CEP250: variants seen among roughly 807,000 people sequenced by gnomAD.
The protein encoded by CEP250 is centrosome-associated protein CEP250.
In CEP250, 242 loss-of-function variants were observed where a neutral mutation model predicts 315.7. The observed-to-expected ratio is 0.77, with a 90% CI of 0.69 to 0.85. The LOEUF (loss-of-function observed/expected upper bound fraction) is 0.85, where lower values mean the gene tolerates loss of function less well. Ranked by LOEUF, CEP250 falls within the 40% of genes least tolerant of loss-of-function variation. The pLI is 0.00. For missense variants in CEP250, 2,515 were observed against 2,886.4 expected, an observed-to-expected ratio of 0.87 and a Z score of 2.95; for synonymous variants, 1,088 against 1,175.0, an observed-to-expected ratio of 0.93 and a Z score of 1.51.
chr20:35,497,882 G>A lies in CEP250; in HGVS notation c.3470G>A (p.Arg1157His), dbSNP rs757635678. 25 of 1,603,222 alleles carry A rather than the reference G, an allele frequency of 1.6e-5. No homozygotes were observed. The highest frequency in any genetic ancestry group is 1.7e-4 in the Middle Eastern group (1 of 6,016). ...AKAAQLQLRL[R>H]STESQLEALA... ...GCAGCCCAACTACAGCTGCGACTGC[G>A]CAGCACAGAGAGCCAGCTAGAAGCG... is the stretch of plus-strand genomic sequence containing the variant. Residue 1157 changes from arginine to histidine, a missense_variant, in exon 26 of 35, where the codon CGC becomes CAC. Arg to His is a conservative substitution (Grantham distance 29, BLOSUM62 0). Transcript: ENST00000397527.
rs754433427 is a variant in CEP250, at chr20:35,497,906, C to T, written c.3494C>T (p.Ala1165Val). ...CGCAGCACAGAGAGCCAGCTAGAAG[C>T]GCTGGCCGCAGAGCAGCAGCCCGGG... is the stretch of plus-strand genomic sequence containing the variant. ...RLRSTESQLE[A>V]LAAEQQPGNQ... The change falls in exon 26 of 35, where the codon GCG becomes GTG. Residue 1165 changes from alanine (A) to valine (V), a missense_variant. Physicochemically the swap from Ala to Val is moderately conservative, Grantham distance 64. Coordinates refer to ENST00000397527, the MANE Select transcript of CEP250 (RefSeq NM_007186.6). 11 of 1,608,288 alleles carry T rather than the reference C, an allele frequency of 6.8e-6. No homozygotes were observed. Among genetic ancestry groups the T allele is most frequent in the South Asian group, 1.1e-5 (1 of 90,078 alleles).
chr20:35,490,727 G>A lies in CEP250; in HGVS notation c.2677G>A (p.Glu893Lys). The A allele has an allele frequency of 6.2e-7, 1 of 1,614,016 alleles. No individual in the cohort carries two copies. The highest frequency in any genetic ancestry group is 8.5e-7 in the Non-Finnish European group (1 of 1,180,000). Residue 893 changes from glutamate to lysine, a missense_variant, in exon 21 of 35, where the codon GAG becomes AAG. Glu to Lys is a moderately conservative substitution (Grantham distance 56, BLOSUM62 1). Transcript: ENST00000397527. ...EKMELEMRLK[E>K]QQTEMEAIQA... ...AATGGAGCTGGAAATGAGGCTAAAG[G>A]AGCAGCAGACAGAAATGGAGGCCAT...
At chr20:35,491,430 T>TAAGAA in intron 22 of CEP250, 84 bp downstream of exon 22, 6 of 1,417,906 alleles carry the variant, frequency 4.2e-6, no homozygotes, top group Non-Finnish European at 4.9e-6. Flanking sequence ...GCACTTCTTA[T>TAAGAA]GTGCCAGGCC....
chr20:35,492,776 A>G (rs2063733203), intron 22 of CEP250, among the ~76,000 whole-genome samples: 1 of 152,188 alleles, frequency 6.6e-6, no homozygotes, highest in East Asian at 1.9e-4. Context: ...CACCCAGGCT[A>G]GAGTGCGGTG....
chr20:35,498,548 C>T (rs1375803455), intron 26 of CEP250, 47 bp from the exon 27 acceptor site: 2 of 1,598,310 alleles, frequency 1.3e-6, no homozygotes, highest in African/African-American at 2.7e-5. Context: ...CTGGCTGTTT[C>T]TTTTCATAGT....
intron 27 of CEP250, among the ~76,000 whole-genome samples, chr20:35,499,013 G>A (rs934158506): frequency 6.6e-6 from 1 of 152,168 alleles, no homozygotes; most frequent in African/African-American, 2.4e-5. Flanking sequence ...GGTGGCTCAT[G>A]CCTGTAATCC....
Position 35,510,010 on chromosome 20 carries a change from C to A in CEP250, c.7021C>A (p.Gln2341Lys). 2 of 1,614,142 alleles carry A rather than the reference C, an allele frequency of 1.2e-6. No individual in the cohort carries two copies. Among genetic ancestry groups the A allele is most frequent in the Admixed American group, 1.7e-5 (1 of 60,024 alleles). The change falls in exon 34 of 35, where the codon CAG (glutamine) becomes AAG (lysine). Residue 2341 changes from glutamine (Q) to lysine (K), a missense_variant. Transcript: ENST00000397527. Reference sequence around the variant, plus strand: ...TTGTCTTCCTTAGGATGGGAGAGGACAGAAGAACTCAGATGCCAAGTGTGT... The same window carrying A: ...TTGTCTTCCTTAGGATGGGAGAGGAAAGAAGAACTCAGATGCCAAGTGTGT... Reference protein sequence around the residue: ...SSPTQQDGRGQKNSDAKCVAE... With the variant: ...SSPTQQDGRGKKNSDAKCVAE...
At chr20:35,471,918 A>G in intron 10 of CEP250, 132 bp from the exon 11 acceptor site, 2 of 650,354 alleles carry the variant, frequency 3.1e-6, no homozygotes, top group Non-Finnish European at 5.6e-6. Flanking sequence ...CAACATTAGC[A>G]TTGACATATG....
At chr20:35,500,225 C>T in intron 28 of CEP250, 56 bp downstream of exon 28, 1 of 1,601,526 alleles carries the variant, frequency 6.2e-7, no homozygotes. Context: ...AGGTGGGGAG[C>T]CCAGAAGTGG....
At position 35,478,111 on chromosome 20, in the gene CEP250, C is replaced by A. The variant is rs1440420512; in HGVS notation, c.2094+10C>A. On this transcript the variant is annotated intron_variant, in intron 17 of 34. Transcript: ENST00000397527. ...AAAGAAACTAAGTGAGGTGAGAAGC[C>A]AAAATGGACACCATCATGTCTAGGT... is the stretch of plus-strand genomic sequence containing the variant. 1.3e-6 allele frequency: 2 copies of A among 1,542,212 alleles called. No individual in the cohort carries two copies. Among genetic ancestry groups the A allele is most frequent in the Non-Finnish European group, 1.8e-6 (2 of 1,115,834 alleles).
At chr20:35,481,699 A>G (rs931976577) in intron 20 of CEP250, among the ~76,000 whole-genome samples, 1 of 132,932 alleles carries the variant, frequency 7.5e-6, no homozygotes, top group Non-Finnish European at 1.6e-5. Context: ...AGATGTTTCT[A>G]TTTTATTTTT....
intron 20 of CEP250, among the ~76,000 whole-genome samples, chr20:35,483,949 T>A (rs1286455853): frequency 1.3e-5 from 2 of 152,180 alleles, no homozygotes; most frequent in Admixed American, 1.3e-4. Context: ...TTTTCATATC[T>A]TCTTGGTCAT....
At position 35,466,065 on chromosome 20, in the gene CEP250, C is replaced by G; in HGVS notation, c.353C>G (p.Thr118Ser). 1.2e-6 allele frequency: 2 copies of G among 1,614,178 alleles called. No individual in the cohort carries two copies. Among genetic ancestry groups the G allele is most frequent in the Non-Finnish European group, 1.7e-6 (2 of 1,180,026 alleles). The change falls in exon 7 of 35, where the codon ACC (threonine) becomes AGC (serine). Residue 118 changes from threonine to serine, a missense_variant. Physicochemically the swap from Thr to Ser is moderately conservative, Grantham distance 58. Transcript: ENST00000397527. ...TGTGAGAGTCTAGCAGAGGTGAACA[C>G]CCAGCTTCGACTGCACATGGAAAAA... Reference protein sequence around the residue: ...QRCESLAEVNTQLRLHMEKAD... With the variant: ...QRCESLAEVNSQLRLHMEKAD...
chr20:35,479,940 G>A, intron 19 of CEP250, 36 bp from the exon 20 acceptor site: 3 of 1,607,050 alleles, frequency 1.9e-6, no homozygotes, highest in Non-Finnish European at 2.6e-6. Flanking sequence ...GGTAAAAGGA[G>A]GGGGCGGAGG....
Position 35,479,384 on chromosome 20 carries a change from C to A in CEP250, c.2248C>A (p.Arg750Ser), listed in dbSNP as rs1023005712. Residue 750 changes from arginine to serine, a missense_variant, in exon 18 of 35, where the codon CGT becomes AGT. Arg to Ser is a moderately radical substitution (Grantham distance 110, BLOSUM62 -1). Coordinates refer to ENST00000397527, the MANE Select transcript of CEP250 (RefSeq NM_007186.6). ...ALEVRLQAVERDRQDLAEQLQ... is the reference protein window; with the variant it reads ...ALEVRLQAVESDRQDLAEQLQ... ...AGAGGTGCGGCTGCAGGCCGTGGAG[C>A]GTGACCGGCAGGACCTCGCTGAACA... is the stretch of plus-strand genomic sequence containing the variant. The A allele has an allele frequency of 2.5e-6, 4 of 1,614,006 alleles. No individual in the cohort carries two copies. Among genetic ancestry groups the A allele is most frequent in the Non-Finnish European group, 3.4e-6 (4 of 1,180,018 alleles).
At chr20:35,477,566 A>G (rs1231349984) in intron 16 of CEP250, among the ~76,000 whole-genome samples, 1 of 152,256 alleles carries the variant, frequency 6.6e-6, no homozygotes, top group African/African-American at 2.4e-5. Flanking sequence ...AATTTAACCT[A>G]TAATTATAGC....
intron 28 of CEP250, among the ~76,000 whole-genome samples, chr20:35,500,610 T>C (rs772712131): frequency 1.3e-5 from 2 of 152,216 alleles, no homozygotes; most frequent in African/African-American, 4.8e-5. Flanking sequence ...GCGCTGGGGC[T>C]GGCAGCAGCA....
At position 35,512,720 on chromosome 20, in the gene CEP250, G is replaced by A. The variant is rs948325743; in HGVS notation, c.*1094G>A. The A allele has an allele frequency of 6.6e-6, 1 of 152,154 alleles. No homozygotes were observed. The highest frequency in any genetic ancestry group is 2.4e-5 in the African/African-American group (1 of 41,414). 9.4% of individuals were successfully genotyped at this position (152,154 alleles called of 1,614,324 possible). Reference sequence around the variant, plus strand: ...ATTGTTTAATTTTTTTAAGAGACAGGGTTTTGTCCTGTCTTCCAAGCTGGA... The same window carrying A: ...ATTGTTTAATTTTTTTAAGAGACAGAGTTTTGTCCTGTCTTCCAAGCTGGA... On this transcript the variant is annotated 3_prime_UTR_variant, in exon 35 of 35. Coordinates refer to ENST00000397527, the MANE Select transcript of CEP250 (RefSeq NM_007186.6).
chr20:35,494,016 T>C (rs377331412), intron 23 of CEP250, among the ~76,000 whole-genome samples: 1 of 152,174 alleles, frequency 6.6e-6, no homozygotes, highest in Non-Finnish European at 1.5e-5. Context: ...AGGATTTCAC[T>C]ATGTCGCCCG....
Sources: gnomAD v4.1 joint callset for allele counts (sites outside exome capture counted in the v4.1 genomes callset) on GRCh38, gnomAD v4.1.1 for gene constraint, MANE v1.5 for transcripts, NCBI Gene and HGNC (gene_info 2026-07-23, HGNC 2026-07-21) for gene names.